The following FGL1 variants were observed in gnomAD, a reference collection of about 807,000 sequenced individuals.
The protein encoded by FGL1 is fibrinogen-like protein 1.
FGL1 carries 59 observed loss-of-function variants against 43.7 expected under a neutral mutation model. The observed-to-expected ratio is 1.35, with a 90% CI of 1.10 to 1.68. The LOEUF (loss-of-function observed/expected upper bound fraction) is 1.68, where lower values mean the gene tolerates loss of function less well. Among genes scored for constraint, FGL1 ranks in the 40% most tolerant of loss-of-function variants. The probability of loss-of-function intolerance (pLI) is 0.00; values close to 1 mark genes in which losing one functional copy is unlikely to be tolerated. For synonymous variants in FGL1, 192 were observed against 126.5 expected (o/e 1.52, Z -3.48); for missense variants, 596 against 373.0 (o/e 1.60, Z -4.92).
intron 1 of FGL1, among the ~76,000 whole-genome samples, chr8:17,894,074 G>T (rs1321408036): frequency 6.9e-6 from 1 of 145,770 alleles, no homozygotes; most frequent in Non-Finnish European, 1.5e-5. Context: ...AATTAATTAC[G>T]CTGCATTAAA....
At chr8:17,891,602 T>A (rs923104164) in intron 1 of FGL1, 2 of 776,826 alleles carry the variant, frequency 2.6e-6, no homozygotes, top group African/African-American at 3.8e-5. Flanking sequence ...GGAATGTACA[T>A]GTTTTGGGGG....
intron 2 of FGL1, among the ~76,000 whole-genome samples, chr8:17,884,797 C>G (rs1157174530): frequency 6.6e-6 from 1 of 152,142 alleles, no homozygotes; most frequent in African/African-American, 2.4e-5. Flanking sequence ...TAGGAGTTTT[C>G]TTTCTCCAAG....
In FGL1 at chr8:17,882,098, C is replaced by T. The variant is rs1166954115; in HGVS notation, c.145G>A (p.Val49Ile). ...TCCTGCAAAAGCTGCTTGATCTTGA[C>T]CTGTTGCTGTTTGACCCGGGTCTCA... Reference protein sequence around the residue: ...LLETRVKQQQVKIKQLLQENE... With the variant: ...LLETRVKQQQIKIKQLLQENE... The change falls in exon 3 of 8, where the codon GTC (valine) becomes ATC (isoleucine). Residue 49 changes from valine (V) to isoleucine (I), a missense_variant. By Grantham distance (29) the Val-to-Ile change is conservative. Transcript: ENST00000427924. The T allele has an allele frequency of 1.2e-6, 2 of 1,613,912 alleles. No individual in the cohort carries two copies. Among genetic ancestry groups the T allele is most frequent in the Non-Finnish European group, 1.7e-6 (2 of 1,179,994 alleles).
intron 1 of FGL1, among the ~76,000 whole-genome samples, chr8:17,888,940 T>C (rs1191347722): frequency 6.6e-6 from 1 of 152,234 alleles, no homozygotes; most frequent in Non-Finnish European, 1.5e-5. Flanking sequence ...ACCTACAGCA[T>C]GCTTTAGTAT....
intron 3 of FGL1, among the ~76,000 whole-genome samples, chr8:17,875,537 C>T (rs201555559): frequency 0.011 from 135 of 12,032 alleles, 4 homozygotes; most frequent in Middle Eastern, 0.071. Flanking sequence ...CTTTCTTTCT[C>T]TTTCTTTCTT....
chr8:17,875,676 C>T (rs139436217), intron 3 of FGL1, among the ~76,000 whole-genome samples: 1 of 151,656 alleles, frequency 6.6e-6, no homozygotes, highest in Non-Finnish European at 1.5e-5. Context: ...GCTATTTCGG[C>T]TCACTACAAC....
At chr8:17,885,429 G>T in intron 2 of FGL1, 63 bp downstream of exon 2, 2 of 1,406,570 alleles carry the variant, frequency 1.4e-6, no homozygotes, top group Non-Finnish European at 2.0e-6. Context: ...AATGCAAAAT[G>T]AAAGAAAATT....
intron 1 of FGL1, among the ~76,000 whole-genome samples, chr8:17,894,108 T>C (rs1188635078): frequency 6.8e-6 from 1 of 147,170 alleles, no homozygotes; most frequent in African/African-American, 2.7e-5. Context: ...ACATTAAATT[T>C]GTAAATGAAA....
chr8:17,882,154 T>C lies in FGL1; in HGVS notation c.89A>G (p.Gln30Arg). The C allele has an allele frequency of 2.5e-6, 4 of 1,613,896 alleles. No individual in the cohort carries two copies. Among genetic ancestry groups the C allele is most frequent in the Non-Finnish European group, 3.4e-6 (4 of 1,179,978 alleles). Residue 30 changes from glutamine (Q) to arginine (R), a missense_variant, in exon 3 of 8, where the codon CAG (glutamine) becomes CGG (arginine). Coordinates refer to ENST00000427924, the MANE Select transcript of FGL1 (RefSeq NM_004467.4). The part of the protein sequence containing the change: ...ISALEDCAQE[Q>R]MRLRAQVRLL... ...GCGCACCTGGGCTCTGAGCCGCATCTGCTCCTGGGCACAGTCCTCGAGCGC... is the reference window on the plus strand; with the variant it reads ...GCGCACCTGGGCTCTGAGCCGCATCCGCTCCTGGGCACAGTCCTCGAGCGC...
At chr8:17,890,286 C>T (rs1014560971) in intron 1 of FGL1, among the ~76,000 whole-genome samples, 2 of 152,232 alleles carry the variant, frequency 1.3e-5, no homozygotes, top group Non-Finnish European at 2.9e-5. Flanking sequence ...ACATTCTATA[C>T]TGAGCCTTTC....
chr8:17,882,273 G>C, intron 2 of FGL1, 94 bp from the exon 3 acceptor site: 1 of 1,162,948 alleles, frequency 8.6e-7, no homozygotes, highest in South Asian at 1.7e-5. Context: ...ATTCCATTTT[G>C]TCTCCAGTTC....
chr8:17,881,878 A>T, intron 3 of FGL1, 121 bp downstream of exon 3: 2 of 788,426 alleles, frequency 2.5e-6, no homozygotes, highest in Non-Finnish European at 3.9e-6. Context: ...CATTTACAAT[A>T]GATATAATGC....
At chr8:17,870,703 C>A (rs540460484) in intron 5 of FGL1, among the ~76,000 whole-genome samples, 7 of 152,138 alleles carry the variant, frequency 4.6e-5, no homozygotes, top group Admixed American at 6.6e-5. Context: ...GTCAGGAGAT[C>A]GAGACCATCC....
chr8:17,870,054 G>C (rs376897788), intron 5 of FGL1, among the ~76,000 whole-genome samples: 2 of 152,100 alleles, frequency 1.3e-5, no homozygotes, highest in African/African-American at 4.8e-5. Context: ...AGCTTGCAGT[G>C]AGCCGAGATT....
chr8:17,864,837 C>A, intron 7 of FGL1, 86 bp from the exon 8 acceptor site: 1 of 1,191,820 alleles, frequency 8.4e-7, no homozygotes, highest in South Asian at 3.6e-5. Context: ...TACAAATGCT[C>A]AAAATTTTTG....
chr8:17,889,643 CA>C (rs1466058774), intron 1 of FGL1, among the ~76,000 whole-genome samples: 1 of 152,170 alleles, frequency 6.6e-6, no homozygotes, highest in East Asian at 1.9e-4. Flanking sequence ...AAAACAAGCA[CA>C]AGGATGCTTA....
chr8:17,868,888 G>T, intron 6 of FGL1, 28 bp downstream of exon 6: 2 of 1,528,392 alleles, frequency 1.3e-6, no homozygotes, highest in South Asian at 1.2e-5. Context: ...ATTTATTCAC[G>T]GTTTTACTTC....
chr8:17,893,698 A>C lies in FGL1; in HGVS notation c.-18+1749T>G, dbSNP rs2053738690. 1.4e-5 allele frequency among the ~76,000 whole-genome samples: 2 copies of C among 147,072 alleles called. 1 individual carries two copies. The highest frequency in any genetic ancestry group is 3.0e-5 in the Non-Finnish European group (2 of 67,776). On this transcript the variant is annotated intron_variant, in intron 1 of 7. Coordinates refer to ENST00000427924, the MANE Select transcript of FGL1 (RefSeq NM_004467.4). ...TTAGAATAATTCCTGAGAATATCTTAAGTTCTCTAAAATTTTCCATTTTCC... is the reference window on the plus strand; with the variant it reads ...TTAGAATAATTCCTGAGAATATCTTCAGTTCTCTAAAATTTTCCATTTTCC...
intron 1 of FGL1, among the ~76,000 whole-genome samples, chr8:17,887,004 A>T (rs904772762): frequency 4.6e-5 from 7 of 152,068 alleles, no homozygotes; most frequent in Non-Finnish European, 8.8e-5. Flanking sequence ...TGCTTCTCGT[A>T]CCCTTTCAGA....
Sources: gnomAD v4.1 joint callset for allele counts (sites outside exome capture counted in the v4.1 genomes callset) on GRCh38, gnomAD v4.1.1 for gene constraint, MANE v1.5 for transcripts, NCBI Gene and HGNC (gene_info 2026-07-23, HGNC 2026-07-21) for gene names.